Variants in DSCAML1 observed in about 807,000 individuals in gnomAD.
DSCAML1 encodes the protein cell adhesion molecule DSCAML1.
DSCAML1 carries 38 observed loss-of-function variants against 200.5 expected under a neutral mutation model. That is an observed-to-expected ratio of 0.19 (90% CI 0.15 to 0.25). The LOEUF (loss-of-function observed/expected upper bound fraction) is 0.25. DSCAML1 is among the 10% of genes least tolerant of loss of function. The pLI is 1.00. For missense variants in DSCAML1, 2,223 were observed against 2,858.8 expected (o/e 0.78, Z 5.07); for synonymous variants, 1,215 against 1,165.0 (o/e 1.04, Z -0.87).
At chr11:117,768,510 G>T (rs1048444169) in intron 3 of DSCAML1, among the ~76,000 whole-genome samples, 1 of 152,148 alleles carries the variant, frequency 6.6e-6, no homozygotes, top group Non-Finnish European at 1.5e-5. Context: ...CACAGGTGGT[G>T]AGTAATGATG....
At position 117,516,124 on chromosome 11, in the gene DSCAML1, T is replaced by G. The variant is rs1223113197; in HGVS notation, c.1783+343A>C. 2.7e-4 allele frequency among the ~76,000 whole-genome samples: 41 copies of G among 152,094 alleles called. No homozygotes were observed. The highest frequency in any genetic ancestry group is 8.8e-5 in the Non-Finnish European group (6 of 68,018). ...GCCCGCTGAGCTCCTGGGGGCTCCATCCCAACAGCAGAGGCCCCATGCAGC... is the reference window on the plus strand; with the variant it reads ...GCCCGCTGAGCTCCTGGGGGCTCCAGCCCAACAGCAGAGGCCCCATGCAGC... On this transcript the variant is annotated intron_variant, in intron 8 of 32. Coordinates refer to ENST00000651296, the MANE Select transcript of DSCAML1 (RefSeq NM_020693.4). This position sits in a 1 kb window ranked among gnomAD's most constrained non-coding sequence, Gnocchi z 5.7.
chr11:117,536,211 G>A (rs999389474), intron 3 of DSCAML1, among the ~76,000 whole-genome samples: 5 of 152,184 alleles, frequency 3.3e-5, no homozygotes, highest in South Asian at 2.1e-4. Flanking sequence ...AGCATCGGAC[G>A]GTGGACCCTG....
upstream of DSCAML1, among the ~76,000 whole-genome samples, chr11:117,799,925 C>G (rs902609359): frequency 2.0e-5 from 3 of 152,222 alleles, no homozygotes; most frequent in Non-Finnish European, 4.4e-5. Flanking sequence ...AACAGCTCCA[C>G]TGGGGGAATG....
intron 1 of DSCAML1, among the ~76,000 whole-genome samples, chr11:117,796,018 C>T (rs1809195438): frequency 6.6e-6 from 1 of 152,240 alleles, no homozygotes; most frequent in South Asian, 2.1e-4. Context: ...CGGAGTTCGG[C>T]CGCCTCATCT....
chr11:117,780,300 G>GA lies in DSCAML1; in HGVS notation c.364+192dup, dbSNP rs1382518224. Among the ~76,000 whole-genome samples, 145 of 111,956 alleles carry GA rather than the reference G, an allele frequency of 1.3e-3. 8 individuals are homozygous for GA. Among genetic ancestry groups the GA allele is most frequent in the Non-Finnish European group, 2.3e-3 (113 of 49,576 alleles). The allele number at this position is 111,956 out of a possible 152,430, so 73.4% of individuals were successfully genotyped here. ...AGAAAGAAAGAAAGAAAGAAAGAAA[G>GA]AAAGAGAGAAAGGAGAAAGAAAGGT... On this transcript the variant is annotated intron_variant, in intron 2 of 32. Coordinates refer to ENST00000651296, the MANE Select transcript of DSCAML1 (RefSeq NM_020693.4). The surrounding 1 kb of genome is among the most constrained non-coding windows in gnomAD (Gnocchi z 4.8).
At chr11:117,711,137 T>C (rs1267455548) in intron 3 of DSCAML1, among the ~76,000 whole-genome samples, 3 of 152,118 alleles carry the variant, frequency 2.0e-5, no homozygotes, top group Non-Finnish European at 4.4e-5. Flanking sequence ...TGAACAGGCT[T>C]TTTCCTTTAT....
At chr11:117,565,018 G>C (rs147323677) in intron 3 of DSCAML1, among the ~76,000 whole-genome samples, 54 of 152,094 alleles carry the variant, frequency 3.6e-4, no homozygotes, top group African/African-American at 1.1e-3. Flanking sequence ...TGCCCACCTC[G>C]GCCTCCCAAA....
chr11:117,622,677 C>A (rs1312188220), intron 3 of DSCAML1, among the ~76,000 whole-genome samples: 3 of 152,138 alleles, frequency 2.0e-5, no homozygotes, highest in African/African-American at 7.2e-5. Flanking sequence ...GAGCCCTGAT[C>A]CACTGGGGAT....
intron 3 of DSCAML1, among the ~76,000 whole-genome samples, chr11:117,535,268 T>C (rs1231711370): frequency 6.6e-6 from 1 of 152,236 alleles, no homozygotes; most frequent in Admixed American, 6.5e-5. Flanking sequence ...GCCATGCCAC[T>C]TTCCCTCTCT....
intron 17 of DSCAML1, among the ~76,000 whole-genome samples, chr11:117,464,693 G>C (rs777908469): frequency 6.6e-6 from 1 of 152,200 alleles, no homozygotes. Context: ...CAGGCCAACA[G>C]GTCAACAGAG....
chr11:117,560,726 A>G (rs1346238945), intron 3 of DSCAML1, among the ~76,000 whole-genome samples: 1 of 152,154 alleles, frequency 6.6e-6, no homozygotes, highest in East Asian at 1.9e-4. Context: ...TCAGAGAAAA[A>G]TTGGCATAAC....
intron 18 of DSCAML1, 21 bp downstream of exon 18, chr11:117,461,429 C>T (rs773462059): frequency 1.2e-6 from 2 of 1,614,054 alleles, no homozygotes; most frequent in Non-Finnish European, 1.7e-6. Context: ...GAGTCCCAGC[C>T]ATCAGTCCCA....
chr11:117,723,804 G>A (rs568479082), intron 3 of DSCAML1, among the ~76,000 whole-genome samples: 141 of 152,294 alleles, frequency 9.3e-4, no homozygotes, highest in African/African-American at 3.1e-3. Flanking sequence ...CATCTGCAGC[G>A]TCTCCTCCCA....
Position 117,504,143 on chromosome 11 carries a change from C to T in DSCAML1, c.2183-122G>A. 8.3e-7 allele frequency: 1 copy of T among 1,200,718 alleles called. No homozygotes were observed. Among genetic ancestry groups the T allele is most frequent in the East Asian group, 2.4e-5 (1 of 41,082 alleles). The allele number at this position is 1,200,718 out of a possible 1,614,324, so 74.4% of individuals were successfully genotyped here. On this transcript the variant is annotated intron_variant, in intron 10 of 32. Coordinates refer to ENST00000651296, the MANE Select transcript of DSCAML1 (RefSeq NM_020693.4). The surrounding 1 kb of genome is among the most constrained non-coding windows in gnomAD (Gnocchi z 5.0). Reference sequence around the variant, plus strand: ...AGGGCCATTTTGTAGCAGAGCTGCACCATCCCCAAAGTGCTGAGGCCACAT... The same window carrying T: ...AGGGCCATTTTGTAGCAGAGCTGCATCATCCCCAAAGTGCTGAGGCCACAT...
intron 3 of DSCAML1, among the ~76,000 whole-genome samples, chr11:117,669,088 T>A (rs1000071754): frequency 6.6e-6 from 1 of 152,188 alleles, no homozygotes; most frequent in Non-Finnish European, 1.5e-5. Context: ...TATTGATTTC[T>A]AAGGCCTAGG....
At position 117,574,821 on chromosome 11, in the gene DSCAML1, G is replaced by A. The variant is rs537988005; in HGVS notation, c.512-42299C>T. Among the ~76,000 whole-genome samples the A allele has an allele frequency of 7.3e-4, 111 of 152,286 alleles. 1 individual carries two copies. The highest frequency in any genetic ancestry group is 3.4e-3 in the Middle Eastern group (1 of 294). On this transcript the variant is annotated intron_variant, in intron 3 of 32. Coordinates refer to ENST00000651296, the MANE Select transcript of DSCAML1 (RefSeq NM_020693.4). ...GCAAAGAGCAGTACTTAGAGGAAAA[G>A]AGTCCACTGCCTGGCCTGGGAAGGG...
At chr11:117,481,106 G>A (rs1323337905) in intron 13 of DSCAML1, 68 bp downstream of exon 13, 5 of 1,447,418 alleles carry the variant, frequency 3.5e-6, no homozygotes, top group Admixed American at 1.7e-5. Flanking sequence ...GCTCTTTGAG[G>A]TGGAGTTAGC....
chr11:117,543,809 T>TTG (rs2137373239), intron 3 of DSCAML1, among the ~76,000 whole-genome samples: 1 of 81,430 alleles, frequency 1.2e-5, no homozygotes, highest in South Asian at 3.1e-4. Context: ...CAGTTTTTTT[T>TTG]TTGTTTGTTT....
chr11:117,430,967 G>A lies in DSCAML1; in HGVS notation c.5441C>T (p.Ala1814Val), dbSNP rs772716308. The A allele has an allele frequency of 3.1e-6, 5 of 1,614,166 alleles. No homozygotes were observed. The highest frequency in any genetic ancestry group is 4.2e-6 in the Non-Finnish European group (5 of 1,180,036). The stretch of plus-strand genomic sequence containing the variant: ...CTCCTCCAGCTTGGCATGCTCATAG[G>A]CCCGGGCCAGCTCCTCGTAGGTGGA... ...ASSTYEELAR[A>V]YEHAKLEEQL... The change falls in exon 32 of 33, where the codon GCC becomes GTC. Residue 1814 changes from alanine (A) to valine (V), a missense_variant. Ala to Val is a moderately conservative substitution (Grantham distance 64). Around this residue, in one of 7 missense-constraint regions of DSCAML1, gnomAD observed 96 missense variants for 160.7 expected, o/e 0.60. Transcript: ENST00000651296.
Sources: allele counts gnomAD v4.1 joint callset (sites outside exome capture counted in the v4.1 genomes callset), GRCh38; gene constraint gnomAD v4.1.1; regional missense constraint gnomAD v4.1.1; non-coding constraint Gnocchi (gnomAD v3.1); transcripts MANE v1.5; gene names NCBI Gene and HGNC (gene_info 2026-07-23, HGNC 2026-07-21).